The following COL5A2 variants were observed in gnomAD, a reference collection of about 807,000 sequenced individuals.
COL5A2 encodes the protein collagen alpha-2(V) chain.
Under a neutral mutation model 208.2 loss-of-function variants are expected in COL5A2, and 23 were observed. The ratio of observed to expected loss-of-function variants is 0.11; its 90% CI spans 0.08 to 0.16. COL5A2 has a LOEUF of 0.16. Ranked by LOEUF, COL5A2 falls within the 10% of genes least tolerant of loss-of-function variation. The pLI is 1.00. For synonymous variants in COL5A2, 625 were observed against 628.5 expected, an observed-to-expected ratio of 0.99 and a Z score of 0.08; for missense variants, 1,590 against 1,956.4, an observed-to-expected ratio of 0.81 and a Z score of 3.53.
chr2:189,252,505 G>C, the COL5A2 span, among the ~76,000 whole-genome samples: 1 of 151,944 alleles, frequency 6.6e-6, no homozygotes, highest in East Asian at 1.9e-4. Context: ...GCAAACTATC[G>C]CAAGGACAAA....
At chr2:189,433,933 A>G in the COL5A2 span, among the ~76,000 whole-genome samples, 8 of 152,370 alleles carry the variant, frequency 5.3e-5, no homozygotes, top group East Asian at 1.5e-3. Flanking sequence ...AAAATCCTCA[A>G]TAAAATACTG....
chr2:189,392,313 C>T, the COL5A2 span, among the ~76,000 whole-genome samples: 1 of 152,046 alleles, frequency 6.6e-6, no homozygotes, highest in African/African-American at 2.4e-5. Context: ...ATCTACAACA[C>T]TCAGGAACTA....
At chr2:189,096,759 A>T (rs1576524350) in intron 6 of COL5A2, among the ~76,000 whole-genome samples, 1 of 152,152 alleles carries the variant, frequency 6.6e-6, no homozygotes, top group South Asian at 2.1e-4. Context: ...AAAGATATTG[A>T]GGTCACTATT....
At chr2:189,152,068 AGAG>A (rs1333774352) in intron 1 of COL5A2, among the ~76,000 whole-genome samples, 3 of 152,254 alleles carry the variant, frequency 2.0e-5, no homozygotes, top group African/African-American at 7.2e-5. Context: ...TCAAAATCTC[AGAG>A]GAGAACTAGG....
chr2:189,168,015 G>A (rs1001107478), intron 1 of COL5A2, among the ~76,000 whole-genome samples: 16 of 148,068 alleles, frequency 1.1e-4, no homozygotes, highest in Non-Finnish European at 2.4e-4. Context: ...TCGGCTCACC[G>A]CAAGCTCCGC....
At chr2:189,346,266 A>T in the COL5A2 span, among the ~76,000 whole-genome samples, 1 of 152,130 alleles carries the variant, frequency 6.6e-6, no homozygotes, top group East Asian at 1.9e-4. Flanking sequence ...TCCAGCTCTT[A>T]GTTTGCTTTC....
chr2:189,427,647 C>T, the COL5A2 span, among the ~76,000 whole-genome samples: 2 of 152,234 alleles, frequency 1.3e-5, no homozygotes, highest in African/African-American at 4.8e-5. Context: ...TGCAAAGCCA[C>T]AGGGACAGAG....
At chr2:189,370,081 A>G in the COL5A2 span, among the ~76,000 whole-genome samples, 2 of 152,172 alleles carry the variant, frequency 1.3e-5, no homozygotes, top group East Asian at 1.9e-4. Context: ...TGCTGCCACA[A>G]TGGACACCAA....
At chr2:189,286,540 C>T in the COL5A2 span, among the ~76,000 whole-genome samples, 2 of 151,788 alleles carry the variant, frequency 1.3e-5, no homozygotes, top group Non-Finnish European at 2.9e-5. Flanking sequence ...GAGGGAAAAA[C>T]GGGAGGTGGT....
chr2:189,071,024 C>G (rs1017794937), intron 18 of COL5A2, among the ~76,000 whole-genome samples: 5 of 152,194 alleles, frequency 3.3e-5, no homozygotes, highest in African/African-American at 1.2e-4. Flanking sequence ...CAAGGAATAT[C>G]TGAAATGTCA....
At chr2:189,176,560 C>A (rs1688681801) in intron 1 of COL5A2, among the ~76,000 whole-genome samples, 2 of 152,112 alleles carry the variant, frequency 1.3e-5, no homozygotes, top group Non-Finnish European at 2.9e-5. Context: ...ATGCCTACTT[C>A]TAATAACAAG....
chr2:189,435,865 GAC>G, the COL5A2 span, among the ~76,000 whole-genome samples: 321 of 152,294 alleles, frequency 2.1e-3, no homozygotes, highest in East Asian at 0.021. Context: ...CTGCTATAAA[GAC>G]ACACGCACAC....
chr2:189,056,920 G>A, intron 35 of COL5A2, 53 bp downstream of exon 35: 1 of 1,539,734 alleles, frequency 6.5e-7, no homozygotes, highest in Non-Finnish European at 9.0e-7. Flanking sequence ...AAACTCATAT[G>A]ATACTGTAAT....
At chr2:189,205,792 G>A (rs1689136502) in intron 1 of COL5A2, among the ~76,000 whole-genome samples, 1 of 152,026 alleles carries the variant, frequency 6.6e-6, no homozygotes, top group Non-Finnish European at 1.5e-5. Context: ...ATTTACTAGA[G>A]AAGCAAAAAT....
chr2:189,125,345 A>G (rs1170507984), intron 1 of COL5A2, among the ~76,000 whole-genome samples: 1 of 152,186 alleles, frequency 6.6e-6, no homozygotes, highest in East Asian at 1.9e-4. Context: ...TTCCCTGGGA[A>G]TTAGGAATTC....
intron 3 of COL5A2, among the ~76,000 whole-genome samples, chr2:189,103,475 C>G (rs760591607): frequency 2.6e-5 from 4 of 151,944 alleles, no homozygotes; most frequent in Non-Finnish European, 5.9e-5. Flanking sequence ...GAAATTGGGA[C>G]CAGCAACAGT....
At chr2:189,242,471 T>C in the COL5A2 span, among the ~76,000 whole-genome samples, 2 of 152,156 alleles carry the variant, frequency 1.3e-5, no homozygotes, top group Admixed American at 6.5e-5. Context: ...TTTTACTGTA[T>C]AATATGCCTT....
intron 1 of COL5A2, among the ~76,000 whole-genome samples, chr2:189,165,315 TTATAAA>T (rs980354926): frequency 6.6e-5 from 10 of 152,250 alleles, no homozygotes; most frequent in African/African-American, 2.4e-4. Flanking sequence ...GTAAAAATAA[TTATAAA>T]TATAAATACA....
the COL5A2 span, among the ~76,000 whole-genome samples, chr2:189,270,553 T>A: frequency 6.6e-6 from 1 of 152,172 alleles, no homozygotes; most frequent in Non-Finnish European, 1.5e-5. Flanking sequence ...AGTTTCTTAA[T>A]CCTGAGTTCT....
Sources: allele counts gnomAD v4.1 joint callset (sites outside exome capture counted in the v4.1 genomes callset), GRCh38; gene constraint gnomAD v4.1.1; transcripts MANE v1.5; gene names NCBI Gene and HGNC (gene_info 2026-07-23, HGNC 2026-07-21).